The following RPS6KC1 variants were observed in gnomAD, a reference collection of about 807,000 sequenced individuals.
RPS6KC1 encodes inactive ribosomal protein S6 kinase delta-1.
In RPS6KC1, 54 loss-of-function variants were observed where a neutral mutation model predicts 103.8. The observed-to-expected ratio is 0.52, with a 90% CI of 0.42 to 0.65. The LOEUF is 0.65. Among genes scored for constraint, RPS6KC1 ranks in the 30% least tolerant of loss-of-function variants. The pLI is 0.00. For synonymous variants in RPS6KC1, 439 were observed against 438.7 expected, an observed-to-expected ratio of 1.00 and a Z score of -0.01; for missense variants, 1,151 against 1,253.8, an observed-to-expected ratio of 0.92 and a Z score of 1.24.
chr1:213,385,069 ACTG>A, the RPS6KC1 span, among the ~76,000 whole-genome samples: 1 of 152,196 alleles, frequency 6.6e-6, no homozygotes, highest in East Asian at 1.9e-4. Context: ...ATGATGTTAT[ACTG>A]CTCTGGAGTC....
chr1:213,091,840 T>G (rs542169779), intron 3 of RPS6KC1, among the ~76,000 whole-genome samples: 1 of 152,216 alleles, frequency 6.6e-6, no homozygotes, highest in East Asian at 1.9e-4. Context: ...TGAATAGTTA[T>G]AGTTTGTTTC....
the RPS6KC1 span, among the ~76,000 whole-genome samples, chr1:213,371,315 G>C: frequency 6.6e-6 from 1 of 152,134 alleles, no homozygotes; most frequent in Non-Finnish European, 1.5e-5. Context: ...ATATTCCACT[G>C]TTATGTAGAC....
chr1:213,798,837 T>C, the RPS6KC1 span, among the ~76,000 whole-genome samples: 1 of 152,330 alleles, frequency 6.6e-6, no homozygotes, highest in East Asian at 1.9e-4. Flanking sequence ...CCCCAAATCA[T>C]ATTTCCTATT....
the RPS6KC1 span, among the ~76,000 whole-genome samples, chr1:213,303,927 C>A: frequency 9.9e-5 from 15 of 151,618 alleles, no homozygotes; most frequent in Admixed American, 3.3e-4. Flanking sequence ...TGCTTGAGGC[C>A]GGGCGCGGTG....
At chr1:213,541,500 A>G in the RPS6KC1 span, among the ~76,000 whole-genome samples, 1 of 152,076 alleles carries the variant, frequency 6.6e-6, no homozygotes, top group South Asian at 2.1e-4. Flanking sequence ...CAAAAACCCC[A>G]TGGTGTCTGC....
At chr1:213,191,705 T>C (rs2092751408) in intron 8 of RPS6KC1, among the ~76,000 whole-genome samples, 1 of 152,216 alleles carries the variant, frequency 6.6e-6, no homozygotes, top group Non-Finnish European at 1.5e-5. Context: ...ATGGGCATCC[T>C]TGTTATATTC....
chr1:213,476,402 A>G, the RPS6KC1 span, among the ~76,000 whole-genome samples: 2 of 152,222 alleles, frequency 1.3e-5, no homozygotes, highest in Non-Finnish European at 2.9e-5. Flanking sequence ...ATCAGGTCAC[A>G]AAACTGCACA....
the RPS6KC1 span, among the ~76,000 whole-genome samples, chr1:213,757,229 G>A: frequency 3.3e-5 from 5 of 152,216 alleles, no homozygotes; most frequent in Non-Finnish European, 7.3e-5. Context: ...AGCTTAGTGA[G>A]GAAGGCATGT....
the RPS6KC1 span, among the ~76,000 whole-genome samples, chr1:213,724,796 A>T: frequency 6.6e-6 from 1 of 152,196 alleles, no homozygotes; most frequent in Admixed American, 6.5e-5. Flanking sequence ...ATTACTAACA[A>T]GTACTTACAT....
chr1:213,445,063 T>C, the RPS6KC1 span, among the ~76,000 whole-genome samples: 6 of 152,314 alleles, frequency 3.9e-5, 1 homozygote, highest in East Asian at 9.6e-4. Context: ...GCTTTGACTC[T>C]ATATGTTTGC....
At chr1:213,610,683 A>G in the RPS6KC1 span, among the ~76,000 whole-genome samples, 2 of 152,216 alleles carry the variant, frequency 1.3e-5, no homozygotes, top group Non-Finnish European at 2.9e-5. Flanking sequence ...CAGGGCAGTA[A>G]TTGTTTAAGG....
chr1:213,282,806 CAG>C, the RPS6KC1 span, among the ~76,000 whole-genome samples: 17 of 152,172 alleles, frequency 1.1e-4, no homozygotes, highest in Non-Finnish European at 2.2e-4. Context: ...GGGGTAGAGA[CAG>C]AGATGAAGAA....
chr1:213,745,651 G>A, the RPS6KC1 span, among the ~76,000 whole-genome samples: 1 of 152,122 alleles, frequency 6.6e-6, no homozygotes, highest in Non-Finnish European at 1.5e-5. Flanking sequence ...GTGCAGCTGT[G>A]AGGCATGGAT....
At chr1:213,821,855 G>A in the RPS6KC1 span, 2 of 152,246 alleles carry the variant, frequency 1.3e-5, no homozygotes, top group Admixed American at 1.3e-4. Flanking sequence ...GGGAAATGTG[G>A]CTTCAGACAA....
At chr1:213,410,140 T>G in the RPS6KC1 span, among the ~76,000 whole-genome samples, 2 of 151,824 alleles carry the variant, frequency 1.3e-5, no homozygotes, top group Non-Finnish European at 1.5e-5. Context: ...GGCAACAGAG[T>G]GAGACTGTGA....
chr1:213,775,770 T>A, the RPS6KC1 span, among the ~76,000 whole-genome samples: 1 of 152,204 alleles, frequency 6.6e-6, no homozygotes, highest in African/African-American at 2.4e-5. Flanking sequence ...AAGGTCTCTG[T>A]AGTATGTGAC....
At chr1:213,360,704 C>A in the RPS6KC1 span, among the ~76,000 whole-genome samples, 2 of 152,238 alleles carry the variant, frequency 1.3e-5, no homozygotes, top group African/African-American at 4.8e-5. Context: ...TACCTTTGGT[C>A]TTTGATGATG....
Position 213,206,170 on chromosome 1 carries a change from T to C in RPS6KC1, c.1045-24327T>C, listed in dbSNP as rs192480791. Reference sequence around the variant, plus strand: ...TAACATTTTTAGAGATAGCATTGTATGGACACTTTTATAATAGGACAACCT... The same window carrying C: ...TAACATTTTTAGAGATAGCATTGTACGGACACTTTTATAATAGGACAACCT... On this transcript the variant is annotated intron_variant, in intron 8 of 14. Coordinates refer to ENST00000366960, the MANE Select transcript of RPS6KC1 (RefSeq NM_012424.6). Among the ~76,000 whole-genome samples the C allele has an allele frequency of 1.3e-4, 20 of 152,362 alleles. No individual in the cohort carries two copies. The East Asian group carries it at 2.1e-3, about 16-fold the overall frequency.
chr1:213,079,282 A>G (rs1428881433), intron 3 of RPS6KC1, among the ~76,000 whole-genome samples: 1 of 152,168 alleles, frequency 6.6e-6, no homozygotes, highest in Non-Finnish European at 1.5e-5. Context: ...GTGCAGGTGT[A>G]CAGTAGGGTG....
Sources: gnomAD v4.1 joint callset for allele counts (sites outside exome capture counted in the v4.1 genomes callset) on GRCh38, gnomAD v4.1.1 for gene constraint, MANE v1.5 for transcripts, NCBI Gene and HGNC (gene_info 2026-07-23, HGNC 2026-07-21) for gene names.